PSG4: variants seen among roughly 807,000 people sequenced by gnomAD.
PSG4 encodes pregnancy specific beta-1-glycoprotein 4.
Under a neutral mutation model 44.3 loss-of-function variants are expected in PSG4, and 61 were observed. That is an observed-to-expected ratio of 1.38 (90% CI 1.12 to 1.70). The LOEUF (loss-of-function observed/expected upper bound fraction) is 1.70. Among genes scored for constraint, PSG4 ranks in the 40% most tolerant of loss-of-function variants. The probability of loss-of-function intolerance (pLI) is 0.00; values close to 1 mark genes in which losing one functional copy is unlikely to be tolerated. For synonymous variants in PSG4, 248 were observed against 191.3 expected (o/e 1.30, Z -2.45); for missense variants, 677 against 511.7 (o/e 1.32, Z -3.12).
Position 43,204,423 on chromosome 19 carries a change from C to T in PSG4, c.65-172G>A, listed in dbSNP as rs1268683445. ...TGTATGTGTGTGTGTCCTACTGTCC[C>T]ACTAGGTCAAGATCAGCAGCATGAC... On this transcript the variant is annotated intron_variant, in intron 1 of 5. Transcript: ENST00000405312. 19 of 942,650 alleles carry T rather than the reference C, an allele frequency of 2.0e-5. 1 individual carries two copies. The highest frequency in any genetic ancestry group is 5.6e-5 in the African/African-American group (3 of 53,626). The allele number at this position is 942,650 out of a possible 1,614,324, so 58.4% of individuals were successfully genotyped here.
rs1323099553 is a variant in PSG4, at chr19:43,204,028, A to G, written c.288T>C (p.Ser96=). The G allele has an allele frequency of 3.8e-6, 6 of 1,587,576 alleles. 1 individual carries two copies. The East Asian group carries it at 8.0e-5, about 21-fold the overall frequency. The change falls in exon 2 of 6, where the codon AGT becomes AGC. Residue 96 remains serine, a synonymous_variant. Coordinates refer to ENST00000405312, the MANE Select transcript of PSG4 (RefSeq NM_002780.5). The part of the protein sequence containing the change: ...GQRIIYGPAY[S]GRERVYSNAS... ...CATTGGAATATACTCTTTCTCTTCC[A>G]CTGTATGCAGGCCCATATATAATTC...
At chr19:43,198,371 C>T (rs899294242) in intron 2 of PSG4, 96 bp from the exon 3 acceptor site, 4 of 1,486,496 alleles carry the variant, frequency 2.7e-6, no homozygotes, top group Non-Finnish European at 3.6e-6. Flanking sequence ...ACCTCTCAGC[C>T]CACCCAAGTC....
chr19:43,199,782 A>G (rs1453920898), intron 2 of PSG4, among the ~76,000 whole-genome samples: 2 of 145,944 alleles, frequency 1.4e-5, no homozygotes, highest in African/African-American at 5.2e-5. Flanking sequence ...CTGATGATCC[A>G]GACATCGAAG....
Position 43,194,853 on chromosome 19 carries a change from C to A in PSG4, c.988+142G>T, listed in dbSNP as rs144547873. ...AAGGCTGTGCCTACCTAGGTTTTCC[C>A]AGGGCAGGGAGTCATGGCCACCTCG... On this transcript the variant is annotated intron_variant, in intron 4 of 5. Transcript: ENST00000405312. The A allele has an allele frequency of 5.8e-3, 8,821 of 1,507,866 alleles. 207 individuals carry two copies. Among genetic ancestry groups the A allele is most frequent in the African/African-American group, 7.6e-3 (543 of 71,228 alleles). 93.4% of individuals were successfully genotyped at this position (1,507,866 alleles called of 1,614,324 possible).
intron 3 of PSG4, 194 bp downstream of exon 3, chr19:43,197,803 G>A (rs1599771394): frequency 4.3e-6 from 5 of 1,158,602 alleles, no homozygotes; most frequent in East Asian, 3.5e-5. Flanking sequence ...CATGACAGGA[G>A]CAGCCTCTTT....
At position 43,203,937 on chromosome 19, in the gene PSG4, G is replaced by T. The variant is rs553767996; in HGVS notation, c.379C>A (p.Arg127=). 2 of 1,586,062 alleles carry T rather than the reference G, an allele frequency of 1.3e-6. No homozygotes were observed. The highest frequency in any genetic ancestry group is 1.7e-6 in the Non-Finnish European group (2 of 1,171,128). ...GTTACTCCTCCAGTCCCATCGCGTC[G>T]CTTTATGATGTGTAAGGTGTAGGAT... The part of the protein sequence containing the change: ...AGSYTLHIIK[R]RDGTGGVTGH... The change falls in exon 2 of 6, where the codon CGA becomes AGA. Residue 127 remains arginine, a synonymous_variant. Coordinates refer to ENST00000405312, the MANE Select transcript of PSG4 (RefSeq NM_002780.5).
chr19:43,202,677 A>G (rs540824313), intron 2 of PSG4, among the ~76,000 whole-genome samples: 10 of 144,206 alleles, frequency 6.9e-5, no homozygotes, highest in Admixed American at 6.2e-4. Flanking sequence ...TTTCAAGTTC[A>G]GTGATGGGGG....
chr19:43,203,588 C>G lies in PSG4; in HGVS notation c.430+298G>C, dbSNP rs796945505. On this transcript the variant is annotated intron_variant, in intron 2 of 5. Coordinates refer to ENST00000405312, the MANE Select transcript of PSG4 (RefSeq NM_002780.5). ...CTCAGTTCTCCAGGGTCTTTGTCAG[C>G]GTCAAATTTATGAAGAGGGCATGAG... 29 of 406,868 alleles carry G rather than the reference C, an allele frequency of 7.1e-5. 2 individuals carry two copies. Among genetic ancestry groups the G allele is most frequent in the African/African-American group, 2.9e-4 (13 of 44,714 alleles). 25.2% of individuals were successfully genotyped at this position (406,868 alleles called of 1,614,324 possible).
In PSG4 at chr19:43,204,106, C is replaced by A. The variant is rs781475457; in HGVS notation, c.210G>T (p.Gly70=). 1.9e-6 allele frequency: 3 copies of A among 1,586,912 alleles called. No individual in the cohort carries two copies. Among genetic ancestry groups the A allele is most frequent in the South Asian group, 1.1e-5 (1 of 89,912 alleles). ...QNLAGYIWYK[G]QMTYLYHYIT... is the part of the protein sequence containing the mutation. ...TGTAATGGTAGAGGTATGTCATTTG[C>A]CCTTTGTACCAAATGTAGCCAGCAA... The change falls in exon 2 of 6, where the codon GGG becomes GGT. Residue 70 remains glycine, a synonymous_variant. Transcript: ENST00000405312.
intron 2 of PSG4, among the ~76,000 whole-genome samples, chr19:43,200,742 ATT>A (rs1217127720): frequency 6.9e-6 from 1 of 145,048 alleles, no homozygotes; most frequent in East Asian, 2.4e-4. Context: ...AGCCCGGCTA[ATT>A]TTTTGTATTT....
rs933291379 is a variant in PSG4, at chr19:43,194,031, A to C, written c.1243+309T>G. The C allele has an allele frequency of 2.9e-5, 30 of 1,030,564 alleles. 1 individual carries two copies. In the African/African-American group the frequency reaches 4.4e-4, roughly 15 times the overall value. 63.8% of individuals were successfully genotyped at this position (1,030,564 alleles called of 1,614,324 possible). The stretch of plus-strand genomic sequence containing the variant: ...AAAATTCCATAAATCTAGAAAACAA[A>C]CCATTTAAAGAATCAGCAAATTTTC... On this transcript the variant is annotated intron_variant, in intron 5 of 5. Transcript: ENST00000405312.
chr19:43,198,377 A>G lies in PSG4; in HGVS notation c.431-102T>C, dbSNP rs993998473. The G allele has an allele frequency of 7.5e-6, 11 of 1,475,458 alleles. 1 individual carries two copies. The African/African-American group carries it at 1.7e-4, about 22-fold the overall frequency. 91.4% of individuals were successfully genotyped at this position (1,475,458 alleles called of 1,614,324 possible). The stretch of plus-strand genomic sequence containing the variant: ...GCATTTCCCACCTCTCAGCCCACCC[A>G]AGTCCTTAAAAGCCCATGGAAGATG... On this transcript the variant is annotated intron_variant, in intron 2 of 5. Coordinates refer to ENST00000405312, the MANE Select transcript of PSG4 (RefSeq NM_002780.5).
At chr19:43,201,612 G>T (rs28630546) in intron 2 of PSG4, among the ~76,000 whole-genome samples, 32,334 of 143,540 alleles carry the variant, frequency 0.23, 6,181 homozygotes, top group Non-Finnish European at 0.28. Context: ...ATTTCCCTCC[G>T]CCCGCATGAT....
intron 3 of PSG4, among the ~76,000 whole-genome samples, chr19:43,195,520 G>A (rs1967205184): frequency 6.6e-6 from 1 of 151,376 alleles, no homozygotes. Context: ...GTTGGGTCAT[G>A]GACAGACATA....
chr19:43,198,519 A>T (rs573031854), intron 2 of PSG4: 1 of 697,060 alleles, frequency 1.4e-6, no homozygotes, highest in Non-Finnish European at 2.1e-6. Context: ...GCATTGGGTC[A>T]TGGAAAGACA....
rs759268863 is a variant in PSG4, at chr19:43,205,508, G to A, written c.29C>T (p.Thr10Ile). ...GACCCCCTTCCAGGTGATGCGCTGT[G>A]TGCAGGGAGGGGCTGAGAGGGGCCC... Reference protein sequence around the residue: MGPLSAPPCTQRITWKGVLL... With the variant: MGPLSAPPCIQRITWKGVLL... Residue 10 changes from threonine (T) to isoleucine (I), a missense_variant, in exon 1 of 6, where the codon ACA becomes ATA. Thr to Ile is a moderately conservative substitution (Grantham distance 89). Coordinates refer to ENST00000405312, the MANE Select transcript of PSG4 (RefSeq NM_002780.5). 2.6e-6 allele frequency: 4 copies of A among 1,555,058 alleles called. No individual in the cohort carries two copies. Among genetic ancestry groups the A allele is most frequent in the East Asian group, 2.9e-5 (1 of 34,154 alleles).
rs1015574940 is a variant in PSG4 at position 43,200,822 on chromosome 19, G to A, written c.431-2547C>T. 1.6e-4 allele frequency among the ~76,000 whole-genome samples: 24 copies of A among 145,894 alleles called. 1 individual carries two copies. Among genetic ancestry groups the A allele is most frequent in the African/African-American group, 5.2e-4 (20 of 38,120 alleles). On this transcript the variant is annotated intron_variant, in intron 2 of 5. Transcript: ENST00000405312. ...CATCTCCTGACCTTGTGCCTGCCTC[G>A]GCCTCCCAAAGTCCTGGGATTATAG...
In PSG4 at chr19:43,198,410, T is replaced by A. The variant is rs565653774; in HGVS notation, c.431-135A>T. On this transcript the variant is annotated intron_variant, in intron 2 of 5. Transcript: ENST00000405312. ...AAAAGCCCATGGAAGATGTGTGTGT[T>A]AAAGACAGATGCATGGCAATCTGAG... 2.9e-6 allele frequency: 4 copies of A among 1,394,564 alleles called. No homozygotes were observed. The African/African-American group carries it at 4.7e-5, about 16-fold the overall frequency. 86.4% of individuals were successfully genotyped at this position (1,394,564 alleles called of 1,614,324 possible). A position where few individuals can be genotyped will look rare whatever the true frequency, so the allele number is the denominator to read the frequency against.
At position 43,205,111 on chromosome 19, in the gene PSG4, C is replaced by CTTTT. The variant is rs59165427; in HGVS notation, c.64+358_64+361dup. Among the ~76,000 whole-genome samples, 6 of 90,832 alleles carry CTTTT rather than the reference C, an allele frequency of 6.6e-5. 2 individuals carry two copies. Among genetic ancestry groups the CTTTT allele is most frequent in the African/African-American group, 1.0e-4 (2 of 19,422 alleles). 59.6% of individuals were successfully genotyped at this position (90,832 alleles called of 152,430 possible). A position where few individuals can be genotyped will look rare whatever the true frequency, so the allele number is the denominator to read the frequency against. ...TTCTTTTTTCTTTTTTTCCTTTTTT[C>CTTTT]TTTTTTTTTTTTTTGAGACGGAGTC... On this transcript the variant is annotated intron_variant, in intron 1 of 5. Coordinates refer to ENST00000405312, the MANE Select transcript of PSG4 (RefSeq NM_002780.5).
Sources: allele counts gnomAD v4.1 joint callset (sites outside exome capture counted in the v4.1 genomes callset), GRCh38; gene constraint gnomAD v4.1.1; transcripts MANE v1.5; gene names NCBI Gene and HGNC (gene_info 2026-07-23, HGNC 2026-07-21).